Variants in NSMCE2 observed in about 807,000 individuals in gnomAD.
NSMCE2 encodes NSE2 SUMO ligase component of SMC5/6 complex.
Under a neutral mutation model 23.8 loss-of-function variants are expected in NSMCE2, and 24 were observed. The observed-to-expected ratio is 1.01, with a 90% CI of 0.73 to 1.42. The LOEUF (loss-of-function observed/expected upper bound fraction) is 1.42, where lower values mean the gene tolerates loss of function less well. Among genes scored for constraint, NSMCE2 ranks in the 40% most tolerant of loss-of-function variants. The pLI is 0.00. For missense variants in NSMCE2, 284 were observed against 296.5 expected (o/e 0.96, Z 0.31); for synonymous variants, 92 against 94.1 (o/e 0.98, Z 0.13).
chr8:125,263,995 A>T (rs967312498), intron 5 of NSMCE2, among the ~76,000 whole-genome samples: 1 of 152,228 alleles, frequency 6.6e-6, no homozygotes, highest in African/African-American at 2.4e-5. Flanking sequence ...CATGTCTCAG[A>T]TAGATGGCTC....
chr8:125,133,131 C>A (rs1819858579), intron 3 of NSMCE2, among the ~76,000 whole-genome samples: 1 of 152,058 alleles, frequency 6.6e-6, no homozygotes, highest in African/African-American at 2.4e-5. Flanking sequence ...TTTTTAAAAT[C>A]CATTTTAAAT....
In NSMCE2 at chr8:125,230,132, T is replaced by C. The variant is rs71516772; in HGVS notation, c.418+47876T>C. ...AGATTGTATGTAGTTCATTGACTTATTCAGATTTCTTTGGAACATTCAGAG... is the reference window on the plus strand; with the variant it reads ...AGATTGTATGTAGTTCATTGACTTACTCAGATTTCTTTGGAACATTCAGAG... On this transcript the variant is annotated intron_variant, in intron 5 of 7. Transcript: ENST00000287437. Among the ~76,000 whole-genome samples the C allele has an allele frequency of 5.2e-3, 792 of 152,342 alleles. 5 individuals carry two copies. Among genetic ancestry groups the C allele is most frequent in the Non-Finnish European group, 8.3e-3 (563 of 68,022 alleles).
intron 5 of NSMCE2, among the ~76,000 whole-genome samples, chr8:125,288,471 G>T (rs552795742): frequency 6.6e-6 from 1 of 152,196 alleles, no homozygotes; most frequent in South Asian, 2.1e-4. Flanking sequence ...AGCTATTTCT[G>T]TTGATTGATT....
intron 5 of NSMCE2, among the ~76,000 whole-genome samples, chr8:125,331,899 A>G (rs186425762): frequency 6.6e-6 from 1 of 152,340 alleles, no homozygotes; most frequent in Admixed American, 6.5e-5. Context: ...CTTCAGTCAG[A>G]TATGGCCTGT....
At chr8:125,277,420 A>G (rs1312306791) in intron 5 of NSMCE2, among the ~76,000 whole-genome samples, 1 of 152,258 alleles carries the variant, frequency 6.6e-6, no homozygotes, top group Non-Finnish European at 1.5e-5. Context: ...ATCTCAAAAG[A>G]AAATGGCTTT....
At chr8:125,323,955 A>T (rs1304557665) in intron 5 of NSMCE2, among the ~76,000 whole-genome samples, 2 of 152,174 alleles carry the variant, frequency 1.3e-5, no homozygotes, top group Non-Finnish European at 2.9e-5. Flanking sequence ...AAACTCAATA[A>T]GAAGAAAGCA....
intron 3 of NSMCE2, among the ~76,000 whole-genome samples, chr8:125,148,469 G>T (rs138205199): frequency 6.6e-6 from 1 of 152,110 alleles, no homozygotes; most frequent in South Asian, 2.1e-4. Context: ...AATCCCAGAG[G>T]GAGATTGCTA....
At chr8:125,295,064 A>T (rs1471180441) in intron 5 of NSMCE2, among the ~76,000 whole-genome samples, 3 of 152,198 alleles carry the variant, frequency 2.0e-5, no homozygotes, top group African/African-American at 7.2e-5. Context: ...ACTTTCTTGA[A>T]TGTCGTGTTG....
intron 3 of NSMCE2, among the ~76,000 whole-genome samples, chr8:125,119,210 C>T (rs1210580498): frequency 4.6e-5 from 7 of 152,188 alleles, no homozygotes; most frequent in Admixed American, 6.6e-5. Context: ...CATTCCAACA[C>T]CTCCAGATTT....
At chr8:125,138,171 A>G (rs1820165252) in intron 3 of NSMCE2, among the ~76,000 whole-genome samples, 1 of 152,194 alleles carries the variant, frequency 6.6e-6, no homozygotes, top group Non-Finnish European at 1.5e-5. Flanking sequence ...GTACTAATAT[A>G]GGAAGGGAGA....
At chr8:125,330,251 A>C (rs1829826892) in intron 5 of NSMCE2, among the ~76,000 whole-genome samples, 2 of 142,104 alleles carry the variant, frequency 1.4e-5, no homozygotes, top group Non-Finnish European at 3.0e-5. Flanking sequence ...ATCTAGGTTC[A>C]CTGCAGCCTC....
Position 125,331,789 on chromosome 8 carries a change from G to A in NSMCE2, c.419-25430G>A, listed in dbSNP as rs369208929. ...TTTCAGTCAACGGTAAAGTTTCAGCGTATAGCATGGTCCACTTCTTGCAAT... is the reference window on the plus strand; with the variant it reads ...TTTCAGTCAACGGTAAAGTTTCAGCATATAGCATGGTCCACTTCTTGCAAT... On this transcript the variant is annotated intron_variant, in intron 5 of 7. Coordinates refer to ENST00000287437, the MANE Select transcript of NSMCE2 (RefSeq NM_173685.4). Among the ~76,000 whole-genome samples the A allele has an allele frequency of 3.3e-5, 5 of 152,280 alleles. No individual in the cohort carries two copies. In the East Asian group the frequency reaches 5.8e-4, roughly 18 times the overall value.
chr8:125,205,240 G>A (rs191667323), intron 5 of NSMCE2, among the ~76,000 whole-genome samples: 2 of 152,202 alleles, frequency 1.3e-5, no homozygotes, highest in African/African-American at 4.8e-5. Flanking sequence ...TGTCTACAAT[G>A]TGAGACCTTT....
At chr8:125,326,243 T>C (rs1184379840) in intron 5 of NSMCE2, among the ~76,000 whole-genome samples, 1 of 151,570 alleles carries the variant, frequency 6.6e-6, no homozygotes, top group East Asian at 1.9e-4. Context: ...GGCAAAAGAG[T>C]GAGACTCCAT....
At chr8:125,339,383 TC>T (rs1431865491) in intron 5 of NSMCE2, among the ~76,000 whole-genome samples, 1 of 152,132 alleles carries the variant, frequency 6.6e-6, no homozygotes, top group Non-Finnish European at 1.5e-5. Flanking sequence ...GTCTTGTTTA[TC>T]TTGGTGTATG....
Position 125,312,237 on chromosome 8 carries a change from A to G in NSMCE2, c.419-44982A>G, listed in dbSNP as rs1829001165. 2.6e-5 allele frequency among the ~76,000 whole-genome samples: 4 copies of G among 152,306 alleles called. No individual in the cohort carries two copies. In the South Asian group the frequency reaches 8.3e-4, roughly 32 times the overall value. ...AGATTTGTTACATTATAAGAGCTAA[A>G]CTGAAATAGAAACATTAACATTTCA... On this transcript the variant is annotated intron_variant, in intron 5 of 7. Transcript: ENST00000287437.
chr8:125,332,405 C>T (rs550125172), intron 5 of NSMCE2, among the ~76,000 whole-genome samples: 85 of 152,274 alleles, frequency 5.6e-4, no homozygotes, highest in African/African-American at 1.8e-3. Context: ...TATACCTGGG[C>T]TTGGCTAGCT....
At chr8:125,105,225 A>G (rs774670060) in intron 3 of NSMCE2, among the ~76,000 whole-genome samples, 1 of 152,210 alleles carries the variant, frequency 6.6e-6, no homozygotes, top group Non-Finnish European at 1.5e-5. Context: ...TTTACGGCTA[A>G]CAGCAGGTGT....
At chr8:125,360,621 G>T (rs938039637) in intron 7 of NSMCE2, among the ~76,000 whole-genome samples, 6 of 152,152 alleles carry the variant, frequency 3.9e-5, no homozygotes, top group African/African-American at 1.4e-4. Context: ...ACTTGTGGGC[G>T]GGGTGGGCAG....
Sources: gnomAD v4.1 joint callset for allele counts (sites outside exome capture counted in the v4.1 genomes callset) on GRCh38, gnomAD v4.1.1 for gene constraint, MANE v1.5 for transcripts, NCBI Gene and HGNC (gene_info 2026-07-23, HGNC 2026-07-21) for gene names.